The following TSHZ2 variants were observed in gnomAD, a reference collection of about 807,000 sequenced individuals.
TSHZ2 encodes the protein teashirt zinc finger homeobox 2.
In TSHZ2, 21 loss-of-function variants were observed where a neutral mutation model predicts 74.4. The ratio of observed to expected loss-of-function variants is 0.28; its 90% CI spans 0.20 to 0.41. TSHZ2 has a LOEUF of 0.41. TSHZ2 is among the 10% of genes least tolerant of loss of function. The probability of loss-of-function intolerance (pLI) is 1.00; values close to 1 mark genes in which losing one functional copy is unlikely to be tolerated. For missense variants in TSHZ2, 1,244 were observed against 1,293.5 expected, an observed-to-expected ratio of 0.96 and a Z score of 0.59; for synonymous variants, 540 against 515.3, an observed-to-expected ratio of 1.05 and a Z score of -0.65.
At chr20:53,318,497 G>A (rs560646256) in intron 2 of TSHZ2, among the ~76,000 whole-genome samples, 1 of 152,294 alleles carries the variant, frequency 6.6e-6, no homozygotes, top group South Asian at 2.1e-4. Context: ...CCAAGGAGTG[G>A]CAGCATATCA....
At chr20:53,243,336 C>T (rs529997020) in intron 1 of TSHZ2, among the ~76,000 whole-genome samples, 1 of 152,270 alleles carries the variant, frequency 6.6e-6, no homozygotes, top group African/African-American at 2.4e-5. Flanking sequence ...TCATTGCACT[C>T]TATGAGTCAT....
chr20:52,983,791 T>C (rs927449760), intron 1 of TSHZ2, among the ~76,000 whole-genome samples: 3 of 152,202 alleles, frequency 2.0e-5, no homozygotes, highest in African/African-American at 7.2e-5. Context: ...GCTGAGAACA[T>C]GGATGGAGGG....
At chr20:53,185,125 T>C (rs960485650) in intron 1 of TSHZ2, among the ~76,000 whole-genome samples, 1 of 152,208 alleles carries the variant, frequency 6.6e-6, no homozygotes, top group African/African-American at 2.4e-5. Flanking sequence ...TTAAAATCTT[T>C]CATCTTTTTA....
At chr20:53,482,108 T>TA (rs570413572) in intron 2 of TSHZ2, among the ~76,000 whole-genome samples, 18,777 of 73,920 alleles carry the variant, frequency 0.25, 4,249 homozygotes, top group Non-Finnish European at 0.29. Context: ...CTCCATCTCA[T>TA]AAAAAAAAAA....
At chr20:53,165,775 C>T (rs1415940403) in intron 1 of TSHZ2, among the ~76,000 whole-genome samples, 2 of 152,162 alleles carry the variant, frequency 1.3e-5, no homozygotes, top group South Asian at 2.1e-4. Context: ...GTGGAGTCGC[C>T]TGATGGTGAA....
chr20:53,130,947 T>TA (rs1276003720), intron 1 of TSHZ2, among the ~76,000 whole-genome samples: 6 of 152,262 alleles, frequency 3.9e-5, no homozygotes, highest in African/African-American at 1.4e-4. Flanking sequence ...AGTGAAATGC[T>TA]ATTTCTTTTA....
intron 2 of TSHZ2, among the ~76,000 whole-genome samples, chr20:53,369,194 G>A (rs1444356521): frequency 1.3e-5 from 2 of 152,162 alleles, no homozygotes. Context: ...GATCCCAGGA[G>A]GTCATGACTG....
intron 1 of TSHZ2, among the ~76,000 whole-genome samples, chr20:53,008,980 C>CCTCT (rs55692015): frequency 0.015 from 1,902 of 130,186 alleles, 45 homozygotes; most frequent in East Asian, 0.041. Flanking sequence ...TTGTCTTTCT[C>CCTCT]CTCTCTCTCT....
At chr20:53,024,939 T>C (rs1983382068) in intron 1 of TSHZ2, among the ~76,000 whole-genome samples, 1 of 152,156 alleles carries the variant, frequency 6.6e-6, no homozygotes, top group African/African-American at 2.4e-5. Context: ...CTATTGTGAA[T>C]ACTGCCACAA....
chr20:53,271,583 A>G (rs1877430), intron 2 of TSHZ2, among the ~76,000 whole-genome samples: 49,351 of 152,106 alleles, frequency 0.32, 11,410 homozygotes, highest in African/African-American at 0.66. Flanking sequence ...TGCTAGCACA[A>G]CAGAAGTACG....
At chr20:53,085,223 G>A (rs1413085725) in intron 1 of TSHZ2, among the ~76,000 whole-genome samples, 2 of 152,042 alleles carry the variant, frequency 1.3e-5, no homozygotes, top group Non-Finnish European at 2.9e-5. Flanking sequence ...AAATCAGCCG[G>A]GCGTGGTGGC....
intron 1 of TSHZ2, among the ~76,000 whole-genome samples, chr20:53,141,896 G>A (rs753952422): frequency 8.5e-5 from 13 of 152,208 alleles, no homozygotes; most frequent in Admixed American, 2.6e-4. Flanking sequence ...CGCTGAGGTC[G>A]CCCTTCCCAC....
intron 1 of TSHZ2, among the ~76,000 whole-genome samples, chr20:53,061,095 T>C (rs557948658): frequency 2.7e-4 from 41 of 152,348 alleles, no homozygotes; most frequent in African/African-American, 9.6e-4. Context: ...ATTGACACTG[T>C]TGAACCCCAA....
chr20:53,129,302 G>T (rs924147614), intron 1 of TSHZ2, among the ~76,000 whole-genome samples: 1 of 152,012 alleles, frequency 6.6e-6, no homozygotes, highest in South Asian at 2.1e-4. Context: ...GTACATGGTA[G>T]ATATATATAT....
At chr20:53,348,125 A>G (rs1980508754) in intron 2 of TSHZ2, among the ~76,000 whole-genome samples, 1 of 152,178 alleles carries the variant, frequency 6.6e-6, no homozygotes, top group Admixed American at 6.5e-5. Context: ...TGACCACAGG[A>G]CCCAGCAATT....
At chr20:53,274,283 A>C (rs1990897689) in intron 2 of TSHZ2, among the ~76,000 whole-genome samples, 1 of 152,200 alleles carries the variant, frequency 6.6e-6, no homozygotes, top group Admixed American at 6.5e-5. Context: ...TAAATAAATA[A>C]ATAAGTAAAC....
rs1408433789 is a variant in TSHZ2, at chr20:53,255,646, C to T, written c.2188C>T (p.His730Tyr). The T allele has an allele frequency of 2.5e-6, 4 of 1,574,890 alleles. No individual in the cohort carries two copies. The highest frequency in any genetic ancestry group is 1.7e-4 in the Middle Eastern group (1 of 5,848). The change falls in exon 2 of 3, where the codon CAC (histidine) becomes TAC (tyrosine). Residue 730 changes from histidine to tyrosine, a missense_variant. His to Tyr is a moderately conservative substitution (Grantham distance 83). Transcript: ENST00000371497. The surrounding 1 kb of genome is among the most constrained non-coding windows in gnomAD (Gnocchi z 4.1). ...AAGTTCAAGCACAATTTCCATGTTC[C>T]ACAAGTCGAATCTCAATGTCATGGA... is the stretch of plus-strand genomic sequence containing the variant. ...SPSSSTISMF[H>Y]KSNLNVMDKP...
chr20:53,076,199 T>C (rs1486463073), intron 1 of TSHZ2, among the ~76,000 whole-genome samples: 1 of 152,178 alleles, frequency 6.6e-6, no homozygotes, highest in Non-Finnish European at 1.5e-5. Flanking sequence ...AAGAAAACAG[T>C]TGAGCTCTTA....
intron 2 of TSHZ2, among the ~76,000 whole-genome samples, chr20:53,325,211 C>T (rs375281530): frequency 6.6e-6 from 1 of 152,268 alleles, no homozygotes; most frequent in South Asian, 2.1e-4. Flanking sequence ...TTGAGATCTC[C>T]AGCAGTTCCT....
Sources: gnomAD v4.1 joint callset for allele counts (sites outside exome capture counted in the v4.1 genomes callset) on GRCh38, gnomAD v4.1.1 for gene constraint, Gnocchi (gnomAD v3.1) non-coding constraint, MANE v1.5 for transcripts, NCBI Gene and HGNC (gene_info 2026-07-23, HGNC 2026-07-21) for gene names.